Variants in MID1 observed in about 807,000 individuals in gnomAD.
MID1 encodes E3 ubiquitin-protein ligase Midline-1.
Under a neutral mutation model 40.4 loss-of-function variants are expected in MID1, and 7 were observed. The ratio of observed to expected loss-of-function variants is 0.17; its 90% confidence interval spans 0.10 to 0.33. The LOEUF (loss-of-function observed/expected upper bound fraction) is 0.33, where lower values mean the gene tolerates loss of function less well. Among genes scored for constraint, MID1 ranks in the 10% least tolerant of loss-of-function variants. MID1 has a pLI of 1.00. For synonymous variants in MID1, 229 were observed against 221.2 expected (o/e 1.04, Z -0.31); for missense variants, 367 against 558.5 (o/e 0.66, Z 3.46).
intron 1 of MID1, among the ~76,000 whole-genome samples, chrX:10,680,485 T>C (rs945762996): frequency 8.9e-6 from 1 of 112,164 alleles, no homozygotes; most frequent in African/African-American, 3.2e-5. Flanking sequence ...AAGCCAGAAC[T>C]TCTTTATGAT....
chrX:10,650,503 G>A (rs1936306115), intron 1 of MID1, among the ~76,000 whole-genome samples: 1 of 111,696 alleles, frequency 9.0e-6, no homozygotes, highest in East Asian at 2.8e-4. Context: ...ATTATTGCAG[G>A]AAGGAAGGCT....
At chrX:10,646,218 T>G (rs1032248224) in intron 1 of MID1, among the ~76,000 whole-genome samples, 1 of 111,951 alleles carries the variant, frequency 8.9e-6, no homozygotes, top group African/African-American at 3.2e-5. Flanking sequence ...CTTTCCCGCT[T>G]TAAATGTTGA....
At chrX:10,777,604 G>A (rs1280295808) in intron 1 of MID1, among the ~76,000 whole-genome samples, 1 of 101,425 alleles carries the variant, frequency 9.9e-6, no homozygotes, top group African/African-American at 3.6e-5. Context: ...GCGGTGGCGC[G>A]ATCTTGGCTC....
intron 1 of MID1, among the ~76,000 whole-genome samples, chrX:10,592,300 A>C (rs935624502): frequency 9.5e-6 from 1 of 104,931 alleles, no homozygotes; most frequent in African/African-American, 3.5e-5. Flanking sequence ...AAAAAAAAAA[A>C]AAAGACCATC....
chrX:10,733,527 T>A (rs190547554), intron 1 of MID1, among the ~76,000 whole-genome samples: 1 of 111,743 alleles, frequency 8.9e-6, no homozygotes, highest in East Asian at 2.8e-4. Flanking sequence ...AGCTATACAT[T>A]GAAAAGAATA....
chrX:10,770,876 C>T (rs891353116), intron 1 of MID1, among the ~76,000 whole-genome samples: 16 of 111,228 alleles, frequency 1.4e-4, no homozygotes, highest in Admixed American at 1.0e-3. Context: ...GAGGCTGAGG[C>T]GGGTGGATCA....
chrX:10,830,644 G>A (rs868811893), intron 1 of MID1, among the ~76,000 whole-genome samples: 2 of 111,980 alleles, frequency 1.8e-5, no homozygotes, highest in African/African-American at 6.5e-5. Context: ...TATGTCCATC[G>A]CCCCTGGACT....
At chrX:10,621,564 T>C (rs1232316836), upstream of MID1, among the ~76,000 whole-genome samples, 2 of 111,405 alleles carry the variant, frequency 1.8e-5, no homozygotes. Context: ...GTGACGATAA[T>C]TCAATAAAGA....
Position 10,588,561 on chromosome X carries a change from T to A in MID1, c.-56-20958A>T, listed in dbSNP as rs1212447385. 2.7e-5 allele frequency among the ~76,000 whole-genome samples: 3 copies of A among 111,475 alleles called. No individual in the cohort carries two copies. In the Admixed American group the frequency reaches 2.8e-4, roughly 11 times the overall value. ...AAAGGAATAGGGTATACTGTTGTTT[T>A]TTTTTTTAACTACTTGTATATTTCT... On this transcript the variant is annotated intron_variant, in intron 1 of 9. Coordinates refer to ENST00000317552, the MANE Select transcript of MID1 (RefSeq NM_000381.4).
At chrX:10,804,386 G>T (rs1265067572) in intron 1 of MID1, among the ~76,000 whole-genome samples, 3 of 111,641 alleles carry the variant, frequency 2.7e-5, no homozygotes, top group African/African-American at 9.8e-5. Flanking sequence ...AATAGAAACT[G>T]AGGTACATAA....
chrX:10,806,255 T>C (rs905356767), intron 1 of MID1, among the ~76,000 whole-genome samples: 3 of 111,933 alleles, frequency 2.7e-5, no homozygotes, highest in Non-Finnish European at 5.6e-5. Flanking sequence ...TTGTATAAGG[T>C]GTAAGGAAGC....
intron 5 of MID1, chrX:10,475,234 C>T (rs1259220476): frequency 6.1e-6 from 2 of 329,455 alleles, no homozygotes; most frequent in African/African-American, 2.6e-5. Context: ...AGAATGTTTC[C>T]AGATATTGGA....
At chrX:10,808,781 A>G (rs983857202) in intron 1 of MID1, among the ~76,000 whole-genome samples, 36 of 111,920 alleles carry the variant, frequency 3.2e-4, no homozygotes, top group African/African-American at 9.4e-4. Context: ...TTAATTCAAG[A>G]TGGATTAAAG....
At chrX:10,744,888 T>G (rs2043548380) in intron 1 of MID1, among the ~76,000 whole-genome samples, 1 of 111,960 alleles carries the variant, frequency 8.9e-6, no homozygotes, top group Non-Finnish European at 1.9e-5. Context: ...TGACAATGAC[T>G]CAGACCAGGC....
chrX:10,611,987 G>A (rs1349878078), intron 1 of MID1, among the ~76,000 whole-genome samples: 2 of 111,663 alleles, frequency 1.8e-5, no homozygotes, highest in Non-Finnish European at 3.8e-5. Context: ...AGGCATTAAT[G>A]TCTTCTGTTA....
chrX:10,608,939 AAG>A (rs1935675602), intron 1 of MID1, among the ~76,000 whole-genome samples: 1 of 112,099 alleles, frequency 8.9e-6, no homozygotes, highest in Non-Finnish European at 1.9e-5. Flanking sequence ...AACATTGTAA[AAG>A]AGTTTAATTG....
At chrX:10,715,793 C>A (rs1020649483) in intron 1 of MID1, among the ~76,000 whole-genome samples, 23 of 111,837 alleles carry the variant, frequency 2.1e-4, no homozygotes, top group Non-Finnish European at 3.4e-4. Context: ...GGAGGCACCC[C>A]CCAGTAGGGG....
At chrX:10,541,348 C>T (rs981669707) in intron 2 of MID1, among the ~76,000 whole-genome samples, 1 of 110,821 alleles carries the variant, frequency 9.0e-6, no homozygotes, top group African/African-American at 3.3e-5. Context: ...TGCCCTCCCA[C>T]CACCCCCCAG....
chrX:10,454,906 C>T lies in MID1; in HGVS notation c.1619G>A (p.Arg540Gln), dbSNP rs1928558725. The change falls in exon 9 of 10, where the codon CGG becomes CAG. Residue 540 changes from arginine (R) to glutamine (Q), a missense_variant. Physicochemically the swap from Arg to Gln is conservative, Grantham distance 43 (BLOSUM62 1). Transcript: ENST00000317552. Reference sequence around the variant, plus strand: ...ACTTATGACCACTTCCCAATAATGCCGGCCACTATCAATAAACACATTTCC... The same window carrying T: ...ACTTATGACCACTTCCCAATAATGCTGGCCACTATCAATAAACACATTTCC... ...VAGNVFIDSG[R>Q]HYWEVVISGS... is the part of the protein sequence containing the mutation. 6 of 1,209,468 alleles carry T rather than the reference C, an allele frequency of 5.0e-6. No homozygotes were observed. Among genetic ancestry groups the T allele is most frequent in the East Asian group, 3.0e-5 (1 of 33,774 alleles).
Sources: gnomAD v4.1 joint callset for allele counts (sites outside exome capture counted in the v4.1 genomes callset) on GRCh38, gnomAD v4.1.1 for gene constraint, MANE v1.5 for transcripts, NCBI Gene and HGNC (gene_info 2026-07-23, HGNC 2026-07-21) for gene names.